Variants in ZNF846 observed in about 807,000 individuals in gnomAD.
ZNF846 encodes the protein zinc finger protein 420 pseudogene.
A neutral mutation model predicts 16.0 loss-of-function variants in ZNF846; 15 were observed. The ratio of observed to expected loss-of-function variants is 0.94; its 90% CI spans 0.63 to 1.45. The LOEUF (loss-of-function observed/expected upper bound fraction) is 1.45, where lower values mean the gene tolerates loss of function less well. ZNF846 is among the 40% of genes most tolerant of loss of function. The pLI, the probability that ZNF846 is intolerant of heterozygous loss-of-function variation, is 0.00. For missense variants in ZNF846, 714 were observed against 622.3 expected, an observed-to-expected ratio of 1.15 and a Z score of -1.57; for synonymous variants, 229 against 212.0, an observed-to-expected ratio of 1.08 and a Z score of -0.70.
chr19:9,752,420 C>T, exon 6 of ZNF846: 1 of 397,366 alleles, frequency 2.5e-6, no homozygotes, highest in Non-Finnish European at 5.1e-6. Flanking sequence ...CCAGCCTGGA[C>T]AACATGATGA....
downstream of ZNF846, among the ~76,000 whole-genome samples, chr19:9,754,613 G>A (rs1025723681): frequency 7.0e-6 from 1 of 143,650 alleles, no homozygotes; most frequent in Non-Finnish European, 1.5e-5. Context: ...CAGTTGGATT[G>A]TGTATTTTAA....
chr19:9,766,351 T>C (rs1016752578), intron 1 of ZNF846, among the ~76,000 whole-genome samples: 1 of 148,360 alleles, frequency 6.7e-6, no homozygotes, highest in African/African-American at 2.5e-5. Flanking sequence ...AAGACAGAAA[T>C]TACAGTGAGC....
exon 6 of ZNF846, chr19:9,758,057 A>G: frequency 6.2e-7 from 1 of 1,613,552 alleles, no homozygotes. Context: ...CACACTCCTT[A>G]CATTCATATG....
chr19:9,757,565 T>C (rs1183565308), exon 6 of ZNF846: 1 of 1,613,482 alleles, frequency 6.2e-7, no homozygotes, highest in Admixed American at 1.7e-5. Flanking sequence ...ATTCATATGG[T>C]TTTGCTCCAG....
At chr19:9,749,005 G>A (rs755682992), downstream of ZNF846, among the ~76,000 whole-genome samples, 22 of 152,038 alleles carry the variant, frequency 1.4e-4, no homozygotes, top group Non-Finnish European at 2.4e-4. Context: ...CTACAACCGC[G>A]ATGGACTGCT....
At chr19:9,763,699 A>T (rs1341404129) in intron 2 of ZNF846, among the ~76,000 whole-genome samples, 2 of 152,236 alleles carry the variant, frequency 1.3e-5, no homozygotes, top group African/African-American at 4.8e-5. Flanking sequence ...AGCACTATGT[A>T]AAATCTAATA....
chr19:9,765,740 T>C (rs2045305093), intron 1 of ZNF846, among the ~76,000 whole-genome samples: 2 of 152,088 alleles, frequency 1.3e-5, no homozygotes, highest in Admixed American at 1.3e-4. Flanking sequence ...GTCTTTTCCA[T>C]GGCATGCCTC....
At chr19:9,784,735 G>A (rs2045541174) in intron 1 of ZNF846, among the ~76,000 whole-genome samples, 1 of 152,132 alleles carries the variant, frequency 6.6e-6, no homozygotes, top group South Asian at 2.1e-4. Context: ...AGAGGTGCCT[G>A]CGGCCTTCCA....
intron 1 of ZNF846, among the ~76,000 whole-genome samples, chr19:9,783,927 T>G (rs551994799): frequency 5.9e-5 from 9 of 152,152 alleles, no homozygotes; most frequent in Non-Finnish European, 1.2e-4. Context: ...GGTCTTGAAC[T>G]TCTGAGCTCA....
At chr19:9,759,782 C>T (rs758272384) in intron 5 of ZNF846, 78 bp downstream of exon 5, 4 of 1,123,778 alleles carry the variant, frequency 3.6e-6, no homozygotes, top group Non-Finnish European at 5.2e-6. Flanking sequence ...TGGGTAAATG[C>T]CATTTTCCTC....
At chr19:9,768,314 G>A (rs1032412752) in exon 1 of ZNF846, 5 of 152,240 alleles carry the variant, frequency 3.3e-5, no homozygotes, top group Non-Finnish European at 7.3e-5. Context: ...TCGCCCTGTC[G>A]GTGACAAGAG....
chr19:9,756,269 T>C (rs1192636584), downstream of ZNF846: 1 of 148,546 alleles, frequency 6.7e-6, no homozygotes, highest in Non-Finnish European at 1.5e-5. Context: ...GTATGAATTA[T>C]CATTTATATT....
intron 1 of ZNF846, 146 bp from the exon 2 acceptor site, chr19:9,765,181 T>C: frequency 5.6e-6 from 3 of 532,850 alleles, no homozygotes; most frequent in Middle Eastern, 8.0e-4. Context: ...GAGACCAGCC[T>C]GGCCAACAGG....
upstream of ZNF846, among the ~76,000 whole-genome samples, chr19:9,772,940 A>C (rs1339805492): frequency 6.6e-6 from 1 of 151,934 alleles, no homozygotes. Context: ...GTCGTGTGTG[A>C]TCTCAGCTAC....
exon 6 of ZNF846, chr19:9,757,502 T>C (rs1361292932): frequency 2.5e-6 from 4 of 1,602,430 alleles, no homozygotes; most frequent in African/African-American, 1.4e-5. Context: ...CCTTAGTTCT[T>C]AGATGTTTAG....
downstream of ZNF846, among the ~76,000 whole-genome samples, chr19:9,748,788 A>C (rs1406393718): frequency 1.3e-5 from 2 of 152,104 alleles, no homozygotes; most frequent in Non-Finnish European, 2.9e-5. Flanking sequence ...GGTATAGTCT[A>C]TTTGACTATA....
chr19:9,757,619 G>A (rs376577835), exon 6 of ZNF846: 4 of 1,613,604 alleles, frequency 2.5e-6, no homozygotes, highest in Non-Finnish European at 1.7e-6. Flanking sequence ...AATACCTGAA[G>A]GCTTTCCCAC....
chr19:9,765,293 T>G (rs970805946), intron 1 of ZNF846, among the ~76,000 whole-genome samples: 2 of 152,052 alleles, frequency 1.3e-5, no homozygotes, highest in Non-Finnish European at 2.9e-5. Flanking sequence ...GGGAATCACT[T>G]GAACCTGGGA....
chr19:9,761,580 A>G (rs974990517), intron 4 of ZNF846, among the ~76,000 whole-genome samples: 3 of 151,836 alleles, frequency 2.0e-5, no homozygotes, highest in Non-Finnish European at 2.9e-5. Context: ...GCGTGGTGTC[A>G]GGTGCCTGTA....
Sources: gnomAD v4.1 joint callset for allele counts (sites outside exome capture counted in the v4.1 genomes callset) on GRCh38, gnomAD v4.1.1 for gene constraint, MANE v1.5 for transcripts, NCBI Gene and HGNC (gene_info 2026-07-23, HGNC 2026-07-21) for gene names.